CNTNAP2: variants seen among roughly 807,000 people sequenced by gnomAD.
The protein encoded by CNTNAP2 is contactin associated protein 2.
A neutral mutation model predicts 155.2 loss-of-function variants in CNTNAP2; 98 were observed. The ratio of observed to expected loss-of-function variants is 0.63; its 90% CI spans 0.54 to 0.75. The LOEUF is 0.75. Among genes scored for constraint, CNTNAP2 ranks in the 30% least tolerant of loss-of-function variants. CNTNAP2 has a pLI of 0.00. For synonymous variants in CNTNAP2, 651 were observed against 631.2 expected (o/e 1.03, Z -0.47); for missense variants, 1,727 against 1,688.1 (o/e 1.02, Z -0.40).
intron 8 of CNTNAP2, among the ~76,000 whole-genome samples, chr7:147,231,123 T>C (rs1029016534): frequency 6.6e-6 from 1 of 152,204 alleles, no homozygotes; most frequent in African/African-American, 2.4e-5. Context: ...GAGAACGCAC[T>C]CACTACAATG....
chr7:146,557,761 C>T (rs1383001473), intron 1 of CNTNAP2, among the ~76,000 whole-genome samples: 1 of 152,128 alleles, frequency 6.6e-6, no homozygotes, highest in Non-Finnish European at 1.5e-5. Flanking sequence ...TGTATGCTCC[C>T]TGTGTGTGAT....
At chr7:146,606,646 A>C (rs1319852292) in intron 1 of CNTNAP2, among the ~76,000 whole-genome samples, 1 of 152,226 alleles carries the variant, frequency 6.6e-6, no homozygotes, top group Non-Finnish European at 1.5e-5. Context: ...TAATTCAACA[A>C]GCAGAAATAT....
intron 1 of CNTNAP2, among the ~76,000 whole-genome samples, chr7:146,759,877 T>C (rs1802061625): frequency 1.3e-5 from 2 of 152,196 alleles, no homozygotes; most frequent in East Asian, 1.9e-4. Flanking sequence ...AAAAATCTTA[T>C]TCAACAGCAA....
intron 8 of CNTNAP2, among the ~76,000 whole-genome samples, chr7:147,138,120 A>G (rs1406448590): frequency 6.6e-6 from 1 of 151,958 alleles, no homozygotes; most frequent in Admixed American, 6.6e-5. Flanking sequence ...GGGCTTGTAG[A>G]TATCTAAAAA....
At chr7:147,313,360 T>C (rs1795162197) in intron 9 of CNTNAP2, among the ~76,000 whole-genome samples, 2 of 150,688 alleles carry the variant, frequency 1.3e-5, no homozygotes, top group Admixed American at 1.3e-4. Context: ...TGAATGGTAA[T>C]GCCTAGGTTT....
chr7:147,943,707 G>T (rs1057385550), intron 14 of CNTNAP2, among the ~76,000 whole-genome samples: 1 of 136,644 alleles, frequency 7.3e-6, no homozygotes, highest in Non-Finnish European at 1.5e-5. Context: ...AGGTTGCAGT[G>T]AGCTGAGATA....
intron 1 of CNTNAP2, among the ~76,000 whole-genome samples, chr7:146,516,466 A>T (rs1011154376): frequency 2.0e-5 from 3 of 151,950 alleles, no homozygotes; most frequent in African/African-American, 7.2e-5. Context: ...CCTCATATGG[A>T]AGTTGAATGT....
intron 18 of CNTNAP2, among the ~76,000 whole-genome samples, chr7:148,186,690 T>C (rs1242820188): frequency 6.6e-6 from 1 of 152,214 alleles, no homozygotes; most frequent in African/African-American, 2.4e-5. Flanking sequence ...GAAACACCTA[T>C]GCACCTTCAA....
At chr7:146,442,707 T>C (rs920864962) in intron 1 of CNTNAP2, among the ~76,000 whole-genome samples, 1 of 152,122 alleles carries the variant, frequency 6.6e-6, no homozygotes, top group Admixed American at 6.5e-5. Flanking sequence ...ATTTTTGTGG[T>C]ATCGTACTAG....
intron 13 of CNTNAP2, among the ~76,000 whole-genome samples, chr7:147,654,367 G>T (rs145087119): frequency 0.016 from 2,481 of 152,244 alleles, 210 homozygotes; most frequent in Admixed American, 0.15. Context: ...GATGACGAAG[G>T]TATAAGATAA....
intron 13 of CNTNAP2, among the ~76,000 whole-genome samples, chr7:147,832,134 T>C (rs1260752293): frequency 6.8e-6 from 1 of 147,618 alleles, no homozygotes; most frequent in Non-Finnish European, 1.5e-5. Flanking sequence ...ATTATATTTT[T>C]ATATTTTTAA....
chr7:146,847,931 G>A (rs1477479394), intron 3 of CNTNAP2, among the ~76,000 whole-genome samples: 2 of 152,156 alleles, frequency 1.3e-5, no homozygotes, highest in African/African-American at 4.8e-5. Context: ...ACTTGATAAA[G>A]TGCGTTAACT....
intron 12 of CNTNAP2, among the ~76,000 whole-genome samples, chr7:147,631,423 A>C (rs994557385): frequency 6.6e-6 from 1 of 152,124 alleles, no homozygotes; most frequent in African/African-American, 2.4e-5. Flanking sequence ...ATCAATCTAC[A>C]GATTGCAATT....
chr7:147,339,984 C>T (rs12536085), intron 9 of CNTNAP2, among the ~76,000 whole-genome samples: 59,463 of 151,910 alleles, frequency 0.39, 11,933 homozygotes, highest in South Asian at 0.49. Flanking sequence ...ACATAAGTGC[C>T]GGACTTTTCA....
chr7:148,029,533 A>T (rs377408980), intron 15 of CNTNAP2, among the ~76,000 whole-genome samples: 28 of 152,230 alleles, frequency 1.8e-4, no homozygotes, highest in African/African-American at 5.8e-4. Flanking sequence ...TGCTGAAATG[A>T]AACTATACAA....
At position 146,967,508 on chromosome 7, in the gene CNTNAP2, T is replaced by C. The variant is rs181482876; in HGVS notation, c.403-76399T>C. The stretch of plus-strand genomic sequence containing the variant: ...ATTGAGAAGTGGTTTGTAGTTCTCC[T>C]TGAAGAGGTCCTTCACATCCCTTGT... On this transcript the variant is annotated intron_variant, in intron 3 of 23. Coordinates refer to ENST00000361727, the MANE Select transcript of CNTNAP2 (RefSeq NM_014141.6). 8.4e-3 allele frequency among the ~76,000 whole-genome samples: 1,283 copies of C among 152,318 alleles called. 17 individuals are homozygous for C. Among genetic ancestry groups the C allele is most frequent in the African/African-American group, 0.03 (1,227 of 41,576 alleles).
At chr7:148,051,882 G>C (rs928829042) in intron 15 of CNTNAP2, among the ~76,000 whole-genome samples, 1 of 152,166 alleles carries the variant, frequency 6.6e-6, no homozygotes, top group Non-Finnish European at 1.5e-5. Flanking sequence ...GCTCACGCCT[G>C]TAATCCCAGC....
intron 14 of CNTNAP2, among the ~76,000 whole-genome samples, chr7:147,914,642 C>T (rs763838309): frequency 6.6e-6 from 1 of 152,072 alleles, no homozygotes; most frequent in African/African-American, 2.4e-5. Flanking sequence ...CTCACTGCAA[C>T]CTCGACCTCC....
intron 3 of CNTNAP2, among the ~76,000 whole-genome samples, chr7:146,929,331 T>C (rs1293430881): frequency 6.6e-6 from 1 of 152,102 alleles, no homozygotes; most frequent in East Asian, 1.9e-4. Context: ...GCAAACAGGG[T>C]CTGGAGTGGA....
Sources: gnomAD v4.1 joint callset for allele counts (sites outside exome capture counted in the v4.1 genomes callset) on GRCh38, gnomAD v4.1.1 for gene constraint, MANE v1.5 for transcripts, NCBI Gene and HGNC (gene_info 2026-07-23, HGNC 2026-07-21) for gene names.